SPAG16: variants seen among roughly 807,000 people sequenced by gnomAD.
The protein encoded by SPAG16 is sperm associated antigen 16, also known as sperm-associated antigen 16 protein.
Under a neutral mutation model 80.4 loss-of-function variants are expected in SPAG16, and 86 were observed. That is an observed-to-expected ratio of 1.07 (90% CI 0.90 to 1.28). SPAG16 has a LOEUF of 1.28. Ranked by LOEUF, SPAG16 falls within the 50% of genes most tolerant of loss-of-function variation. The pLI is 0.00. For missense variants in SPAG16, 870 were observed against 765.3 expected (o/e 1.14, Z -1.61); for synonymous variants, 294 against 265.9 (o/e 1.11, Z -1.03).
At chr2:213,988,434 G>A (rs369423277) in intron 12 of SPAG16, among the ~76,000 whole-genome samples, 1 of 151,950 alleles carries the variant, frequency 6.6e-6, no homozygotes, top group Non-Finnish European at 1.5e-5. Flanking sequence ...ATTAGAAATC[G>A]ATAAAGATAT....
At chr2:213,667,606 G>A (rs112556161) in intron 10 of SPAG16, among the ~76,000 whole-genome samples, 140 of 152,320 alleles carry the variant, frequency 9.2e-4, no homozygotes, top group Middle Eastern at 3.4e-3. Flanking sequence ...TGACGTTGGA[G>A]AGATCCTCTT....
intron 10 of SPAG16, among the ~76,000 whole-genome samples, chr2:213,792,131 A>C (rs1420196485): frequency 1.3e-5 from 2 of 152,236 alleles, no homozygotes; most frequent in Non-Finnish European, 2.9e-5. Context: ...ACAAAACTTT[A>C]CAGGTTTGTT....
At chr2:214,404,660 G>A (rs191528903) in intron 15 of SPAG16, among the ~76,000 whole-genome samples, 2 of 152,206 alleles carry the variant, frequency 1.3e-5, no homozygotes, top group African/African-American at 4.8e-5. Flanking sequence ...AAATGGCTGG[G>A]TTGGATTATA....
At chr2:213,386,560 C>T (rs2067440737) in intron 9 of SPAG16, among the ~76,000 whole-genome samples, 1 of 152,146 alleles carries the variant, frequency 6.6e-6, no homozygotes, top group Admixed American at 6.5e-5. Flanking sequence ...TCTAATCTTC[C>T]TTAGACAATT....
chr2:213,348,670 G>C (rs1047083253), intron 6 of SPAG16, among the ~76,000 whole-genome samples: 3 of 152,154 alleles, frequency 2.0e-5, no homozygotes, highest in Non-Finnish European at 2.9e-5. Context: ...ATTCTGGGTT[G>C]AAAATTCTTT....
chr2:213,649,004 T>C (rs1360339226), intron 10 of SPAG16, among the ~76,000 whole-genome samples: 1 of 152,228 alleles, frequency 6.6e-6, no homozygotes, highest in African/African-American at 2.4e-5. Context: ...TGTAAGATAA[T>C]TGATACATGT....
At chr2:213,576,724 C>G (rs758370656) in intron 10 of SPAG16, among the ~76,000 whole-genome samples, 9 of 152,058 alleles carry the variant, frequency 5.9e-5, no homozygotes, top group South Asian at 2.1e-4. Flanking sequence ...AACACATGAA[C>G]AGAAAACCAA....
intron 14 of SPAG16, among the ~76,000 whole-genome samples, chr2:214,142,292 A>ATTCAAATCTTTGAGACTCACACT (rs1363347825): frequency 6.6e-6 from 1 of 152,198 alleles, no homozygotes; most frequent in Non-Finnish European, 1.5e-5. Flanking sequence ...ATAGCTCTTT[A>ATTCAAATCTTTGAGACTCACACT]TTCAAATCTT....
At chr2:213,798,050 C>T (rs2071156934) in intron 10 of SPAG16, among the ~76,000 whole-genome samples, 1 of 152,152 alleles carries the variant, frequency 6.6e-6, no homozygotes, top group East Asian at 1.9e-4. Flanking sequence ...ACTTGCATTC[C>T]CCTAATGACT....
At chr2:213,869,933 C>A (rs1433331172) in intron 11 of SPAG16, among the ~76,000 whole-genome samples, 1 of 152,074 alleles carries the variant, frequency 6.6e-6, no homozygotes, top group Non-Finnish European at 1.5e-5. Flanking sequence ...TTGGGGAAGG[C>A]CTGGTTTGAA....
At chr2:214,188,972 T>G (rs2057569806) in intron 15 of SPAG16, among the ~76,000 whole-genome samples, 1 of 152,084 alleles carries the variant, frequency 6.6e-6, no homozygotes, top group South Asian at 2.1e-4. Flanking sequence ...ATTTTATACA[T>G]AGCAACATCT....
chr2:213,612,871 A>T (rs1353028152), intron 10 of SPAG16, among the ~76,000 whole-genome samples: 1 of 151,756 alleles, frequency 6.6e-6, no homozygotes, highest in African/African-American at 2.4e-5. Flanking sequence ...TTTAGTAGAG[A>T]TGTGTTGGTC....
intron 15 of SPAG16, among the ~76,000 whole-genome samples, chr2:214,193,439 G>A (rs2057731489): frequency 6.8e-6 from 1 of 146,284 alleles, no homozygotes; most frequent in South Asian, 2.1e-4. Context: ...GAGAGAGAGA[G>A]AGAGAGAGAG....
chr2:213,878,258 T>C (rs1195409036), intron 11 of SPAG16, among the ~76,000 whole-genome samples: 1 of 74,408 alleles, frequency 1.3e-5, no homozygotes, highest in Non-Finnish European at 3.7e-5. Context: ...ATCATCATAT[T>C]GTTTTCCAAA....
At chr2:213,540,029 A>ATTTTTTTTTTTT (rs58117443) in intron 10 of SPAG16, among the ~76,000 whole-genome samples, 8 of 110,826 alleles carry the variant, frequency 7.2e-5, no homozygotes, top group East Asian at 2.7e-4. Flanking sequence ...ATATTTCTTA[A>ATTTTTTTTTTTT]TTTTTTTTTT....
chr2:213,673,222 C>A (rs1272499837), intron 10 of SPAG16, among the ~76,000 whole-genome samples: 1 of 151,916 alleles, frequency 6.6e-6, no homozygotes, highest in Non-Finnish European at 1.5e-5. Flanking sequence ...CATGAATTAG[C>A]AATCATTAGG....
In SPAG16 at chr2:213,310,101, G is replaced by A. The variant is rs770524968; in HGVS notation, c.322G>A (p.Val108Ile). 1 of 1,611,664 alleles carries A rather than the reference G, an allele frequency of 6.2e-7. No individual in the cohort carries two copies. Among genetic ancestry groups the A allele is most frequent in the Non-Finnish European group, 8.5e-7 (1 of 1,178,568 alleles). The change falls in exon 4 of 16, where the codon GTA (valine) becomes ATA (isoleucine). Residue 108 changes from valine to isoleucine, a missense_variant. By Grantham distance (29) the Val-to-Ile change is conservative. Transcript: ENST00000331683. ...TCCTTCAAAGCATGCAGTACCTGAA[G>A]TAATAGAAGACTTTCTCTGCAATTT... is the stretch of plus-strand genomic sequence containing the variant. ...VLPSKHAVPE[V>I]IEDFLCNFLI...
At chr2:214,207,653 T>C (rs953447397) in intron 15 of SPAG16, among the ~76,000 whole-genome samples, 2 of 152,222 alleles carry the variant, frequency 1.3e-5, no homozygotes, top group Non-Finnish European at 2.9e-5. Context: ...CCTAGATAGC[T>C]GGTAAAGTAT....
intron 13 of SPAG16, among the ~76,000 whole-genome samples, chr2:214,015,285 C>A (rs1264857044): frequency 6.6e-6 from 1 of 152,052 alleles, no homozygotes; most frequent in Non-Finnish European, 1.5e-5. Flanking sequence ...TGGTTGATAT[C>A]AGTATTGAGG....
Sources: allele counts gnomAD v4.1 joint callset (sites outside exome capture counted in the v4.1 genomes callset), GRCh38; gene constraint gnomAD v4.1.1; transcripts MANE v1.5; gene names NCBI Gene and HGNC (gene_info 2026-07-23, HGNC 2026-07-21).